FBXW7: variants seen among roughly 807,000 people sequenced by gnomAD.
FBXW7 encodes the protein F-box/WD repeat-containing protein 7.
A neutral mutation model predicts 86.3 loss-of-function variants in FBXW7; 11 were observed. The ratio of observed to expected loss-of-function variants is 0.13; its 90% CI spans 0.08 to 0.21. The LOEUF (loss-of-function observed/expected upper bound fraction) is 0.21, where lower values mean the gene tolerates loss of function less well. Among genes scored for constraint, FBXW7 ranks in the 10% least tolerant of loss-of-function variants. FBXW7 has a pLI of 1.00. For missense variants in FBXW7, 488 were observed against 847.4 expected (o/e 0.58, Z 5.27); for synonymous variants, 313 against 297.9 (o/e 1.05, Z -0.52).
chr4:152,325,341 CTATA>C (rs1421350087), intron 12 of FBXW7: 1 of 151,994 alleles, frequency 6.6e-6, no homozygotes, highest in Non-Finnish European at 1.5e-5. Context: ...GGTAAATAAA[CTATA>C]TAAGCTATAG....
At chr4:152,369,944 G>A (rs1236742674) in intron 4 of FBXW7, among the ~76,000 whole-genome samples, 1 of 151,932 alleles carries the variant, frequency 6.6e-6, no homozygotes, top group East Asian at 1.9e-4. Flanking sequence ...CCAACTTAAT[G>A]AAGCAGTACC....
chr4:152,344,495 C>T (rs1195722531), intron 6 of FBXW7, among the ~76,000 whole-genome samples: 1 of 151,546 alleles, frequency 6.6e-6, no homozygotes, highest in Non-Finnish European at 1.5e-5. Context: ...TTTACAGGAC[C>T]AAAAGCTATT....
chr4:152,509,253 A>G (rs1267402643), intron 2 of FBXW7, among the ~76,000 whole-genome samples: 1 of 152,198 alleles, frequency 6.6e-6, no homozygotes, highest in African/African-American at 2.4e-5. Context: ...ATGAATGTTA[A>G]TCTCCTGATT....
At chr4:152,357,466 G>A (rs1006813788) in intron 4 of FBXW7, among the ~76,000 whole-genome samples, 4 of 151,700 alleles carry the variant, frequency 2.6e-5, no homozygotes, top group Admixed American at 2.0e-4. Context: ...GATTACAGTC[G>A]TGTGCCACCA....
intron 2 of FBXW7, among the ~76,000 whole-genome samples, chr4:152,484,551 T>C (rs1745175640): frequency 6.6e-6 from 1 of 152,330 alleles, no homozygotes; most frequent in East Asian, 1.9e-4. Context: ...GAAAATCAAC[T>C]GCAGAACAAC....
chr4:152,402,670 G>A (rs972126374), intron 4 of FBXW7, among the ~76,000 whole-genome samples: 36 of 152,024 alleles, frequency 2.4e-4, no homozygotes, highest in Non-Finnish European at 4.1e-4. Flanking sequence ...TCCATTATGG[G>A]GTTAAAGATT....
chr4:152,515,840 C>A (rs971231274), intron 2 of FBXW7, among the ~76,000 whole-genome samples: 1 of 150,146 alleles, frequency 6.7e-6, no homozygotes, highest in African/African-American at 2.5e-5. Flanking sequence ...CTTAGTCATA[C>A]ATAAAGTAAG....
At chr4:152,354,671 T>C (rs1350764078) in intron 4 of FBXW7, among the ~76,000 whole-genome samples, 2 of 152,012 alleles carry the variant, frequency 1.3e-5, no homozygotes, top group African/African-American at 4.8e-5. Context: ...CTAAAGAAAA[T>C]ATCTCTTAAC....
At chr4:152,450,320 C>A (rs1425965369) in intron 2 of FBXW7, among the ~76,000 whole-genome samples, 6 of 152,212 alleles carry the variant, frequency 3.9e-5, no homozygotes, top group Non-Finnish European at 7.3e-5. Context: ...TCCTCATCTG[C>A]AGATGCAATT....
At chr4:152,423,218 C>T (rs1579160063) in intron 2 of FBXW7, among the ~76,000 whole-genome samples, 1 of 152,100 alleles carries the variant, frequency 6.6e-6, no homozygotes, top group Non-Finnish European at 1.5e-5. Flanking sequence ...TGGTGGTATT[C>T]TAATACTCTC....
intron 2 of FBXW7, among the ~76,000 whole-genome samples, chr4:152,504,421 T>C (rs1747228247): frequency 6.6e-6 from 1 of 152,198 alleles, no homozygotes; most frequent in Non-Finnish European, 1.5e-5. Context: ...TTATTTAATA[T>C]AGATTTGCCT....
chr4:152,376,756 T>C (rs1182217372), intron 4 of FBXW7, among the ~76,000 whole-genome samples: 4 of 152,128 alleles, frequency 2.6e-5, no homozygotes, highest in East Asian at 3.8e-4. Flanking sequence ...TGGTACTGCA[T>C]TGTCTTTTGA....
chr4:152,431,303 A>G (rs1238703760), intron 2 of FBXW7, among the ~76,000 whole-genome samples: 1 of 152,208 alleles, frequency 6.6e-6, no homozygotes, highest in Non-Finnish European at 1.5e-5. Flanking sequence ...GGCAGCCCCC[A>G]TTCTGCAAGG....
intron 2 of FBXW7, among the ~76,000 whole-genome samples, chr4:152,420,166 A>C (rs1382651462): frequency 6.6e-6 from 1 of 152,152 alleles, no homozygotes; most frequent in African/African-American, 2.4e-5. Flanking sequence ...ATATTTCAAC[A>C]ATTTTCAAAG....
intron 2 of FBXW7, among the ~76,000 whole-genome samples, chr4:152,421,535 T>C (rs1738938568): frequency 1.3e-5 from 2 of 152,154 alleles, no homozygotes; most frequent in Non-Finnish European, 2.9e-5. Context: ...CTGTCTCTAC[T>C]TTTTAAACAT....
At chr4:152,526,001 A>G (rs1405992764) in intron 2 of FBXW7, among the ~76,000 whole-genome samples, 1 of 152,174 alleles carries the variant, frequency 6.6e-6, no homozygotes, top group Admixed American at 6.5e-5. Flanking sequence ...GCCACTCTGA[A>G]TAGTCTGAGA....
chr4:152,483,920 ATAG>A (rs1243118787), intron 2 of FBXW7, among the ~76,000 whole-genome samples: 1 of 152,180 alleles, frequency 6.6e-6, no homozygotes, highest in African/African-American at 2.4e-5. Context: ...TTTACACTGG[ATAG>A]TTTCATTAAC....
chr4:152,467,029 G>A (rs545117797), intron 2 of FBXW7, among the ~76,000 whole-genome samples: 3 of 152,270 alleles, frequency 2.0e-5, no homozygotes, highest in Admixed American at 2.0e-4. Context: ...ATAAGAACCT[G>A]ATAATCCTTA....
intron 6 of FBXW7, among the ~76,000 whole-genome samples, chr4:152,343,910 T>A (rs1730994382): frequency 6.6e-6 from 1 of 152,104 alleles, no homozygotes. Context: ...AAATGGAATA[T>A]CATTTGTTCA....
Sources: allele counts gnomAD v4.1 joint callset (sites outside exome capture counted in the v4.1 genomes callset), GRCh38; gene constraint gnomAD v4.1.1; transcripts MANE v1.5; gene names NCBI Gene and HGNC (gene_info 2026-07-23, HGNC 2026-07-21).